ZBTB40: variants seen among roughly 807,000 people sequenced by gnomAD.
The protein encoded by ZBTB40 is zinc finger and BTB domain containing 40.
A neutral mutation model predicts 117.5 loss-of-function variants in ZBTB40; 60 were observed. The ratio of observed to expected loss-of-function variants is 0.51; its 90% CI spans 0.41 to 0.63. ZBTB40 has a LOEUF of 0.63. ZBTB40 is among the 30% of genes least tolerant of loss of function. ZBTB40 has a pLI of 0.00. For missense variants in ZBTB40, 1,287 were observed against 1,498.5 expected, an observed-to-expected ratio of 0.86 and a Z score of 2.33; for synonymous variants, 525 against 577.1, an observed-to-expected ratio of 0.91 and a Z score of 1.29.
Position 22,528,385 on chromosome 1 carries a change from A to G in ZBTB40, c.*1989A>G, listed in dbSNP as rs1639738281. 1 of 152,368 alleles carries G rather than the reference A, an allele frequency of 6.6e-6. No homozygotes were observed. The highest frequency in any genetic ancestry group is 1.9e-4 in the East Asian group (1 of 5,336). The allele number at this position is 152,368 out of a possible 1,614,324, so 9.4% of individuals were successfully genotyped here. ...TGTCATTAAAATTTCTTCCAAAACA[A>G]AACTAGAAATAATTGCTGAGGGCTT... On this transcript the variant is annotated 3_prime_UTR_variant, in exon 18 of 18. Coordinates refer to ENST00000375647, the MANE Select transcript of ZBTB40 (RefSeq NM_014870.4).
chr1:22,458,398 G>T (rs920412691), intron 1 of ZBTB40, among the ~76,000 whole-genome samples: 4 of 152,200 alleles, frequency 2.6e-5, no homozygotes, highest in Non-Finnish European at 5.9e-5. Context: ...TTGAGCACCA[G>T]TTGAAATCTC....
chr1:22,493,500 G>C (rs1638690296), intron 3 of ZBTB40, among the ~76,000 whole-genome samples: 2 of 152,170 alleles, frequency 1.3e-5, no homozygotes, highest in Non-Finnish European at 2.9e-5. Context: ...CTGACATGCA[G>C]TAACCTGTAG....
intron 1 of ZBTB40, among the ~76,000 whole-genome samples, chr1:22,474,724 G>A (rs1458698913): frequency 6.6e-6 from 1 of 152,140 alleles, no homozygotes; most frequent in African/African-American, 2.4e-5. Context: ...AGCCTCTCAG[G>A]ACCTTAGTTT....
chr1:22,466,264 TTTTG>T (rs1370275650), intron 1 of ZBTB40, among the ~76,000 whole-genome samples: 3 of 152,220 alleles, frequency 2.0e-5, no homozygotes, highest in African/African-American at 7.2e-5. Context: ...ATGTATAATA[TTTTG>T]TTTGTCCATT....
At position 22,521,594 on chromosome 1, in the gene ZBTB40, C is replaced by G. The variant is rs1639527750; in HGVS notation, c.3147C>G (p.Ser1049Arg). The change falls in exon 15 of 18, where the codon AGC (serine) becomes AGG (arginine). Residue 1049 changes from serine to arginine, a missense_variant. Around this residue, in one of 2 missense-constraint regions of ZBTB40, gnomAD observed 417 missense variants for 564.1 expected, o/e 0.74. Transcript: ENST00000375647. ...RSSKFSSLQC[S>R]SCDKTFPNTI... ...CCAAGTTCTCATCACTCCAGTGCAG[C>G]TCCTGTGACAAAACCTTCCCCAACA... 6.2e-7 allele frequency: 1 copy of G among 1,614,092 alleles called. No homozygotes were observed. The highest frequency in any genetic ancestry group is 8.5e-7 in the Non-Finnish European group (1 of 1,180,042).
upstream of ZBTB40, among the ~76,000 whole-genome samples, chr1:22,450,924 G>T (rs1007372382): frequency 6.6e-6 from 1 of 152,240 alleles, no homozygotes; most frequent in African/African-American, 2.4e-5. Context: ...AGAAAAAGTG[G>T]CTGCATGTCA....
chr1:22,451,678 G>C (rs1042880157), upstream of ZBTB40, among the ~76,000 whole-genome samples: 2 of 151,924 alleles, frequency 1.3e-5, no homozygotes, highest in Non-Finnish European at 2.9e-5. Flanking sequence ...ACTTTACTTA[G>C]GAAGTGTGGG....
chr1:22,503,251 G>A (rs962376670), intron 5 of ZBTB40, among the ~76,000 whole-genome samples: 10 of 151,014 alleles, frequency 6.6e-5, no homozygotes, highest in African/African-American at 1.5e-4. Context: ...ATTTTCAAGC[G>A]TTTGATATAT....
At chr1:22,435,459 C>T (rs1640657953) in intron 1 of ZBTB40, among the ~76,000 whole-genome samples, 1 of 151,958 alleles carries the variant, frequency 6.6e-6, no homozygotes, top group Non-Finnish European at 1.5e-5. Context: ...ACTTCTTTTT[C>T]CTTCCCCCAC....
At chr1:22,436,193 A>G (rs1240249190) in intron 1 of ZBTB40, among the ~76,000 whole-genome samples, 1 of 129,246 alleles carries the variant, frequency 7.7e-6, no homozygotes, top group Non-Finnish European at 1.9e-5. Flanking sequence ...ATGAAAACAT[A>G]TGTTCACACA....
chr1:22,502,209 A>G (rs890452493), intron 4 of ZBTB40, 90 bp from the exon 5 acceptor site: 60 of 1,470,390 alleles, frequency 4.1e-5, no homozygotes, highest in African/African-American at 2.4e-4. Context: ...TCACTTTACT[A>G]TTCTGTTAGA....
chr1:22,478,639 C>G (rs1641609510), intron 1 of ZBTB40, among the ~76,000 whole-genome samples: 1 of 152,140 alleles, frequency 6.6e-6, no homozygotes, highest in Non-Finnish European at 1.5e-5. Context: ...ATACGCAAAG[C>G]ATTTAGAACA....
chr1:22,487,407 C>T (rs1738392), intron 1 of ZBTB40, among the ~76,000 whole-genome samples: 109,703 of 152,052 alleles, frequency 0.72, 40,851 homozygotes, highest in East Asian at 0.9. Flanking sequence ...AGTGAGATTA[C>T]ATAATTTCCT....
chr1:22,438,653 C>T (rs1381940118), intron 1 of ZBTB40, among the ~76,000 whole-genome samples: 5 of 152,156 alleles, frequency 3.3e-5, no homozygotes, highest in Non-Finnish European at 7.3e-5. Flanking sequence ...CAAGGATTCC[C>T]GTTTTTCCAC....
chr1:22,454,219 C>T (rs1330267018), intron 1 of ZBTB40, among the ~76,000 whole-genome samples: 1 of 152,214 alleles, frequency 6.6e-6, no homozygotes, highest in Non-Finnish European at 1.5e-5. Flanking sequence ...TCCCAAAGTG[C>T]TGGGATTATA....
chr1:22,511,205 C>G lies in ZBTB40; in HGVS notation c.1860C>G (p.Ala620=). 1 of 1,613,924 alleles carries G rather than the reference C, an allele frequency of 6.2e-7. No individual in the cohort carries two copies. Among genetic ancestry groups the G allele is most frequent in the Non-Finnish European group, 8.5e-7 (1 of 1,180,012 alleles). Residue 620 remains alanine (A), a synonymous_variant, in exon 10 of 18, where the codon GCC becomes GCG. Coordinates refer to ENST00000375647, the MANE Select transcript of ZBTB40 (RefSeq NM_014870.4). ...TTCTGAGCATTCCCTCTGAGACAGC[C>G]AGCCCTGAAGCTTCCCTGAGAGCAG... is the stretch of plus-strand genomic sequence containing the variant. The part of the protein sequence containing the change: ...KEILSIPSET[A]SPEASLRAVL...
intron 1 of ZBTB40, among the ~76,000 whole-genome samples, chr1:22,463,474 A>G (rs1641181070): frequency 6.6e-6 from 1 of 152,236 alleles, no homozygotes; most frequent in Non-Finnish European, 1.5e-5. Flanking sequence ...CCAGTGACAA[A>G]GCAAAGGGTC....
At chr1:22,523,480 C>T (rs1455486528) in intron 16 of ZBTB40, among the ~76,000 whole-genome samples, 1 of 152,160 alleles carries the variant, frequency 6.6e-6, no homozygotes, top group African/African-American at 2.4e-5. Context: ...TTCAGATTGT[C>T]AACAAGCATG....
intron 12 of ZBTB40, among the ~76,000 whole-genome samples, chr1:22,516,646 T>TTCC (rs1480382458): frequency 4.6e-5 from 7 of 152,314 alleles, no homozygotes; most frequent in African/African-American, 1.7e-4. Flanking sequence ...TCCGGGGTTC[T>TTCC]GGTGCCATGC....
Sources: allele counts gnomAD v4.1 joint callset (sites outside exome capture counted in the v4.1 genomes callset), GRCh38; gene constraint gnomAD v4.1.1; regional missense constraint gnomAD v4.1.1; transcripts MANE v1.5; gene names NCBI Gene and HGNC (gene_info 2026-07-23, HGNC 2026-07-21).